Variants in CCN4 observed in about 807,000 individuals in gnomAD.
The protein encoded by CCN4 is cellular communication network factor 4.
In CCN4, 30 loss-of-function variants were observed where a neutral mutation model predicts 36.7. The observed-to-expected ratio is 0.82, with a 90% CI of 0.61 to 1.11. The LOEUF (loss-of-function observed/expected upper bound fraction) is 1.11, where lower values mean the gene tolerates loss of function less well. Ranked by LOEUF, CCN4 falls within the 50% of genes least tolerant of loss-of-function variation. The probability of loss-of-function intolerance (pLI) is 0.00; values close to 1 mark genes in which losing one functional copy is unlikely to be tolerated. For synonymous variants in CCN4, 191 were observed against 195.4 expected (o/e 0.98, Z 0.19); for missense variants, 505 against 504.9 (o/e 1.00, Z 0.00).
chr8:133,218,878 C>T (rs955554821), intron 2 of CCN4, among the ~76,000 whole-genome samples: 41 of 152,182 alleles, frequency 2.7e-4, no homozygotes, highest in African/African-American at 9.9e-4. Flanking sequence ...ACACTTGAGT[C>T]CACCCAACCC....
intron 1 of CCN4, among the ~76,000 whole-genome samples, chr8:133,204,697 G>A (rs2130552145): frequency 6.6e-6 from 1 of 152,330 alleles, no homozygotes; most frequent in South Asian, 2.1e-4. Flanking sequence ...TGGAACTATA[G>A]GCATGTGCCA....
chr8:133,200,852 A>G (rs1771595735), intron 1 of CCN4, among the ~76,000 whole-genome samples: 1 of 152,110 alleles, frequency 6.6e-6, no homozygotes, highest in African/African-American at 2.4e-5. Flanking sequence ...CCCTAGCAAC[A>G]TGGCCCACTG....
chr8:133,220,850 G>A lies in CCN4; in HGVS notation c.610+9G>A. 3 of 1,590,708 alleles carry A rather than the reference G, an allele frequency of 1.9e-6. No homozygotes were observed. Among genetic ancestry groups the A allele is most frequent in the Admixed American group, 1.7e-5 (1 of 59,360 alleles). On this transcript the variant is annotated intron_variant, in intron 3 of 4. Coordinates refer to ENST00000250160, the MANE Select transcript of CCN4 (RefSeq NM_003882.4). ...TGACACAGGAGCCTTCGGTGGGTGTGGGCCCGAGTGGGCTGGGGGTGGGAC... is the reference window on the plus strand; with the variant it reads ...TGACACAGGAGCCTTCGGTGGGTGTAGGCCCGAGTGGGCTGGGGGTGGGAC...
At chr8:133,196,139 G>A (rs151316892) in intron 1 of CCN4, among the ~76,000 whole-genome samples, 1 of 152,334 alleles carries the variant, frequency 6.6e-6, no homozygotes, top group Non-Finnish European at 1.5e-5. Flanking sequence ...ATGGTGGCAA[G>A]GGTTCACACT....
In CCN4 at chr8:133,191,079, C is replaced by T. The variant is rs1413267065; in HGVS notation, c.-66C>T. 1 of 1,572,916 alleles carries T rather than the reference C, an allele frequency of 6.4e-7. No individual in the cohort carries two copies. The highest frequency in any genetic ancestry group is 1.7e-5 in the Admixed American group (1 of 59,518). On this transcript the variant is annotated 5_prime_UTR_variant, in exon 1 of 5. Transcript: ENST00000250160. ...GATGGGCCGGCCAGTCTGGGCCCAG[C>T]TCCCCCGAGAGGTGGTCGGATCCTC... is the stretch of plus-strand genomic sequence containing the variant.
In CCN4 at chr8:133,228,803, T is replaced by C. The variant is rs1854844321; in HGVS notation, c.*1093T>C. ...TGTGGGACTCCAGGGGCCCCCGTGTTCAGGACACATCTATTGCAGAGACTC... is the reference window on the plus strand; with the variant it reads ...TGTGGGACTCCAGGGGCCCCCGTGTCCAGGACACATCTATTGCAGAGACTC... On this transcript the variant is annotated 3_prime_UTR_variant, in exon 5 of 5. Transcript: ENST00000250160. The C allele has an allele frequency of 6.6e-6, 1 of 152,254 alleles. No homozygotes were observed. Among genetic ancestry groups the C allele is most frequent in the African/African-American group, 2.4e-5 (1 of 41,550 alleles). The allele number at this position is 152,254 out of a possible 1,614,324, so 9.4% of individuals were successfully genotyped here.
At chr8:133,219,349 C>T (rs532101350) in intron 2 of CCN4, among the ~76,000 whole-genome samples, 1 of 152,126 alleles carries the variant, frequency 6.6e-6, no homozygotes, top group South Asian at 2.1e-4. Flanking sequence ...CTTAAGTGGG[C>T]CCCTCCCTAC....
chr8:133,221,856 A>G (rs931013499), intron 3 of CCN4, among the ~76,000 whole-genome samples: 3 of 151,578 alleles, frequency 2.0e-5, no homozygotes, highest in Admixed American at 6.6e-5. Flanking sequence ...AAATTGGATG[A>G]TTGGATGGAT....
At chr8:133,195,620 C>T (rs1018887709) in intron 1 of CCN4, among the ~76,000 whole-genome samples, 4 of 152,076 alleles carry the variant, frequency 2.6e-5, no homozygotes, top group Non-Finnish European at 4.4e-5. Context: ...GAGGCTGGCA[C>T]GAGGACGGCA....
chr8:133,193,792 C>T (rs936772881), intron 1 of CCN4, among the ~76,000 whole-genome samples: 9 of 152,210 alleles, frequency 5.9e-5, no homozygotes, highest in African/African-American at 2.2e-4. Flanking sequence ...CTTGGTCCAG[C>T]TCTTGGTAAT....
rs140939001 is a variant in CCN4, at chr8:133,202,111, C to T, written c.70-10753C>T. ...AGAACATTCAGCATTCTTTCCCCTG[C>T]TCAGTAAGCAGGTCTTGTGCAGTTA... is the stretch of plus-strand genomic sequence containing the variant. On this transcript the variant is annotated intron_variant, in intron 1 of 4. Transcript: ENST00000250160. 3.0e-4 allele frequency among the ~76,000 whole-genome samples: 45 copies of T among 152,308 alleles called. No individual in the cohort carries two copies. In the East Asian group the frequency reaches 3.7e-3, roughly 12 times the overall value.
intron 3 of CCN4, among the ~76,000 whole-genome samples, chr8:133,222,159 G>A (rs946324602): frequency 1.3e-5 from 2 of 152,198 alleles, no homozygotes; most frequent in African/African-American, 2.4e-5. Context: ...TGAATGGGTG[G>A]GTAGGTGGAT....
rs1336457803 is a variant in CCN4 at position 133,228,966 on chromosome 8, G to A, written c.*1256G>A. The stretch of plus-strand genomic sequence containing the variant: ...AGGTTGAAGCTAAAAGGAAAAGGTT[G>A]TTGTTAATGAATATCAGGCTATTAT... On this transcript the variant is annotated 3_prime_UTR_variant, in exon 5 of 5. Coordinates refer to ENST00000250160, the MANE Select transcript of CCN4 (RefSeq NM_003882.4). The A allele has an allele frequency of 1.3e-5, 2 of 152,194 alleles. No homozygotes were observed. The highest frequency in any genetic ancestry group is 4.8e-5 in the African/African-American group (2 of 41,444). 9.4% of individuals were successfully genotyped at this position (152,194 alleles called of 1,614,324 possible). A position where few individuals can be genotyped will look rare whatever the true frequency, so the allele number is the denominator to read the frequency against.
At chr8:133,213,184 C>T in intron 2 of CCN4, 41 bp downstream of exon 2, 2 of 1,565,610 alleles carry the variant, frequency 1.3e-6, no homozygotes. Flanking sequence ...CCCCTGAGCA[C>T]CCCCAGCTCT....
At position 133,227,487 on chromosome 8, in the gene CCN4, G is replaced by T; in HGVS notation, c.881G>T (p.Arg294Leu). 2 of 1,614,180 alleles carry T rather than the reference G, an allele frequency of 1.2e-6. 1 individual carries two copies. Among genetic ancestry groups the T allele is most frequent in the Non-Finnish European group, 1.7e-6 (2 of 1,180,032 alleles). The change falls in exon 5 of 5, where the codon CGC (arginine) becomes CTC (leucine). Residue 294 changes from arginine to leucine, a missense_variant. Transcript: ENST00000250160. The part of the protein sequence containing the change: ...NFTLAGCIST[R>L]SYQPKYCGVC... The stretch of plus-strand genomic sequence containing the variant: ...ACACTTGCGGGCTGCATCAGCACAC[G>T]CTCCTATCAACCCAAGTACTGTGGA...
chr8:133,211,302 T>C (rs1486688387), intron 1 of CCN4, among the ~76,000 whole-genome samples: 8 of 152,244 alleles, frequency 5.3e-5, no homozygotes, highest in Non-Finnish European at 1.5e-5. Context: ...GCCTCTCCCA[T>C]AAGCTGTGGG....
intron 1 of CCN4, among the ~76,000 whole-genome samples, chr8:133,197,559 CCCT>C (rs1185375502): frequency 6.6e-6 from 1 of 151,986 alleles, no homozygotes; most frequent in Admixed American, 6.5e-5. Context: ...CAGTCAGCTC[CCCT>C]CCTCCTCCTC....
chr8:133,195,973 G>C (rs1040142652), intron 1 of CCN4, among the ~76,000 whole-genome samples: 1 of 152,222 alleles, frequency 6.6e-6, no homozygotes, highest in African/African-American at 2.4e-5. Context: ...CCATGGTCCA[G>C]GTGGGTTCCT....
intron 1 of CCN4, among the ~76,000 whole-genome samples, chr8:133,196,039 G>T (rs1480554771): frequency 6.6e-6 from 1 of 152,212 alleles, no homozygotes; most frequent in South Asian, 2.1e-4. Flanking sequence ...AGCCAGCAAG[G>T]GTCACCGTGG....
Sources: gnomAD v4.1 joint callset for allele counts (sites outside exome capture counted in the v4.1 genomes callset) on GRCh38, gnomAD v4.1.1 for gene constraint, MANE v1.5 for transcripts, NCBI Gene and HGNC (gene_info 2026-07-23, HGNC 2026-07-21) for gene names.